ORC2: variants seen among roughly 807,000 people sequenced by gnomAD.
The protein encoded by ORC2 is origin recognition complex subunit 2.
Under a neutral mutation model 77.7 loss-of-function variants are expected in ORC2, and 37 were observed. That is an observed-to-expected ratio of 0.48 (90% confidence interval 0.37 to 0.63). The LOEUF (loss-of-function observed/expected upper bound fraction) is 0.63, where lower values mean the gene tolerates loss of function less well. Ranked by LOEUF, ORC2 falls within the 20% of genes least tolerant of loss-of-function variation. ORC2 has a pLI of 0.00. For missense variants in ORC2, 557 were observed against 661.9 expected (o/e 0.84, Z 1.74); for synonymous variants, 201 against 229.5 (o/e 0.88, Z 1.12).
chr2:200,950,675 C>A (rs2041336966), intron 4 of ORC2, among the ~76,000 whole-genome samples: 1 of 152,134 alleles, frequency 6.6e-6, no homozygotes, highest in Non-Finnish European at 1.5e-5. Flanking sequence ...AAATAGAAAA[C>A]AATGCCCTCC....
In ORC2 at chr2:200,909,066, TATAAAA is replaced by T. The variant is rs1385176905; in HGVS notation, c.*2229_*2234del. ...TTGCAAATAGTATAGACACAAAAAT[TATAAAA>T]ATAAACCAGTAGATATTTAGGGCAG... On this transcript the variant is annotated 3_prime_UTR_variant, in exon 18 of 18. Coordinates refer to ENST00000234296, the MANE Select transcript of ORC2 (RefSeq NM_006190.5). The T allele has an allele frequency of 1.3e-5, 2 of 152,052 alleles. No homozygotes were observed. Among genetic ancestry groups the T allele is most frequent in the Non-Finnish European group, 2.9e-5 (2 of 68,006 alleles). The allele number at this position is 152,052 out of a possible 1,614,324, so 9.4% of individuals were successfully genotyped here. A position where few individuals can be genotyped will look rare whatever the true frequency, so the allele number is the denominator to read the frequency against.
chr2:200,946,790 G>T (rs1320588355), intron 5 of ORC2, among the ~76,000 whole-genome samples: 1 of 151,964 alleles, frequency 6.6e-6, no homozygotes. Context: ...TTGTCCTAGG[G>T]TTTCATTTTG....
intron 15 of ORC2, among the ~76,000 whole-genome samples, chr2:200,919,453 G>C (rs181420136): frequency 6.6e-6 from 1 of 152,264 alleles, no homozygotes; most frequent in East Asian, 1.9e-4. Context: ...CTGCCTCCTG[G>C]GTTCAAGCAA....
In ORC2 at chr2:200,935,247, C is replaced by T. The variant is rs145638627; in HGVS notation, c.708+452G>A. 7.2e-3 allele frequency among the ~76,000 whole-genome samples: 1,102 copies of T among 152,270 alleles called. 16 individuals carry two copies. The highest frequency in any genetic ancestry group is 0.026 in the African/African-American group (1,061 of 41,548). On this transcript the variant is annotated intron_variant, in intron 9 of 17. Transcript: ENST00000234296. Reference sequence around the variant, plus strand: ...CAGCAATTCTCCTGCTTCAGCCTCCCGCGTAGCTGGGATTACAGGCACACA... The same window carrying T: ...CAGCAATTCTCCTGCTTCAGCCTCCTGCGTAGCTGGGATTACAGGCACACA...
chr2:200,942,792 A>G lies in ORC2; in HGVS notation c.329-15T>C, dbSNP rs1268680509. 6.5e-7 allele frequency: 1 copy of G among 1,534,874 alleles called. No individual in the cohort carries two copies. Among genetic ancestry groups the G allele is most frequent in the Non-Finnish European group, 9.0e-7 (1 of 1,116,072 alleles). On this transcript the variant is annotated splice_polypyrimidine_tract_variant and intron_variant, in intron 5 of 17. Transcript: ENST00000234296. The stretch of plus-strand genomic sequence containing the variant: ...TAGTTCTGAAGCTGTAAACAAAGAA[A>G]TATATAAAAACCTTTTAAAGGACAA...
rs922024766 is a variant in ORC2 at position 200,942,854 on chromosome 2, C to T, written c.329-77G>A. ...GAGGGAAATAACCTTATTACGCTTA[C>T]AAAAATTCTTTAAAAACCTCTGTTA... On this transcript the variant is annotated intron_variant, in intron 5 of 17. Coordinates refer to ENST00000234296, the MANE Select transcript of ORC2 (RefSeq NM_006190.5). 45 of 785,434 alleles carry T rather than the reference C, an allele frequency of 5.7e-5. No homozygotes were observed. The African/African-American group carries it at 7.7e-4, about 13-fold the overall frequency. 48.7% of individuals were successfully genotyped at this position (785,434 alleles called of 1,614,324 possible).
chr2:200,927,094 CT>C (rs879530297), intron 11 of ORC2, among the ~76,000 whole-genome samples, 194 bp from the exon 12 acceptor site: 50 of 146,982 alleles, frequency 3.4e-4, no homozygotes, highest in Admixed American at 8.1e-4. Flanking sequence ...ATATATGTAT[CT>C]TTTTTTTTTT....
chr2:200,963,403 G>T (rs2041619955), intron 1 of ORC2, 87 bp downstream of exon 1: 3 of 398,368 alleles, frequency 7.5e-6, no homozygotes, highest in Non-Finnish European at 1.3e-5. Flanking sequence ...AAGCTCCGAC[G>T]CGGGGCTGGG....
In ORC2 at chr2:200,935,144, G is replaced by C. The variant is rs557910965; in HGVS notation, c.708+555C>G. Among the ~76,000 whole-genome samples, 4 of 152,054 alleles carry C rather than the reference G, an allele frequency of 2.6e-5. No homozygotes were observed. The South Asian group carries it at 8.3e-4, about 32-fold the overall frequency. ...TAAAAATTTATTTATTTATTTTTGA[G>C]ACGGAGTTTCGTTCTTATTGCCCAG... On this transcript the variant is annotated intron_variant, in intron 9 of 17. Coordinates refer to ENST00000234296, the MANE Select transcript of ORC2 (RefSeq NM_006190.5).
intron 5 of ORC2, among the ~76,000 whole-genome samples, chr2:200,949,146 C>T (rs1305540268): frequency 2.0e-5 from 3 of 151,372 alleles, no homozygotes; most frequent in Non-Finnish European, 2.9e-5. Context: ...GAGGCTGAGG[C>T]AGGAGAATTG....
Position 200,936,162 on chromosome 2 carries a change from T to C in ORC2, c.515-270A>G, listed in dbSNP as rs576276239. 2.6e-5 allele frequency among the ~76,000 whole-genome samples: 4 copies of C among 152,366 alleles called. No homozygotes were observed. The East Asian group carries it at 5.8e-4, about 22-fold the overall frequency. On this transcript the variant is annotated intron_variant, in intron 8 of 17. Coordinates refer to ENST00000234296, the MANE Select transcript of ORC2 (RefSeq NM_006190.5). ...AATTCCTGACACACAGGAACTGTGA[T>C]AGAAATTGTTAATCATACCTAACAC...
At position 200,950,623 on chromosome 2, in the gene ORC2, G is replaced by C. The variant is rs16836168; in HGVS notation, c.239-980C>G. Among the ~76,000 whole-genome samples the C allele has an allele frequency of 2.9e-3, 439 of 152,284 alleles. 3 individuals are homozygous for C. The highest frequency in any genetic ancestry group is 0.01 in the African/African-American group (429 of 41,568). On this transcript the variant is annotated intron_variant, in intron 4 of 17. Coordinates refer to ENST00000234296, the MANE Select transcript of ORC2 (RefSeq NM_006190.5). ...TACCATATTGACTAATGGAATGCGT[G>C]AAGAAGAAAATCCAGTTGCCTTCAA...
chr2:200,937,479 T>G (rs1487362749), intron 8 of ORC2, among the ~76,000 whole-genome samples: 1 of 152,164 alleles, frequency 6.6e-6, no homozygotes, highest in Admixed American at 6.5e-5. Flanking sequence ...TTATGAAAGG[T>G]GTTGACATCT....
intron 15 of ORC2, among the ~76,000 whole-genome samples, chr2:200,915,209 C>T (rs6754564): frequency 0.22 from 32,720 of 151,470 alleles, 4,376 homozygotes; most frequent in African/African-American, 0.37. Flanking sequence ...GACGGGGTTT[C>T]GCCATGTTGG....
Position 200,935,947 on chromosome 2 carries a change from T to C in ORC2, c.515-55A>G, listed in dbSNP as rs1303732014. 8 of 1,507,452 alleles carry C rather than the reference T, an allele frequency of 5.3e-6. No homozygotes were observed. The East Asian group carries it at 6.9e-5, about 13-fold the overall frequency. The allele number at this position is 1,507,452 out of a possible 1,614,324, so 93.4% of individuals were successfully genotyped here. On this transcript the variant is annotated intron_variant, in intron 8 of 17. Coordinates refer to ENST00000234296, the MANE Select transcript of ORC2 (RefSeq NM_006190.5). Reference sequence around the variant, plus strand: ...ATTTCATGGTTTGACAAGAGAGGCATTGTGGGGTAAAGCAAAGAGTGGGGG... The same window carrying C: ...ATTTCATGGTTTGACAAGAGAGGCACTGTGGGGTAAAGCAAAGAGTGGGGG...
At chr2:200,954,904 G>GAATGAATAAATA (rs549218395) in intron 4 of ORC2, among the ~76,000 whole-genome samples, 2 of 144,628 alleles carry the variant, frequency 1.4e-5, no homozygotes, top group Non-Finnish European at 3.0e-5. Context: ...ATGAATGAAT[G>GAATGAATAAATA]AATAAATAAA....
At chr2:200,920,724 CAAGAA>C (rs2040741143) in intron 14 of ORC2, among the ~76,000 whole-genome samples, 1 of 152,130 alleles carries the variant, frequency 6.6e-6, no homozygotes, top group South Asian at 2.1e-4. Flanking sequence ...TGCGATATTA[CAAGAA>C]GAGAAAGAGA....
rs1011634115 is a variant in ORC2, at chr2:200,938,017, G to A, written c.454-51C>T. 4 of 1,299,884 alleles carry A rather than the reference G, an allele frequency of 3.1e-6. No individual in the cohort carries two copies. The East Asian group carries it at 7.0e-5, about 23-fold the overall frequency. The allele number at this position is 1,299,884 out of a possible 1,614,324, so 80.5% of individuals were successfully genotyped here. A position where few individuals can be genotyped will look rare whatever the true frequency, so the allele number is the denominator to read the frequency against. On this transcript the variant is annotated intron_variant, in intron 7 of 17. Transcript: ENST00000234296. ...AATAATAACATGGAAATTAATGACT[G>A]ATCTGAGTGAAAGAGGCTAGAAAAA...
In ORC2 at chr2:200,924,200, T is replaced by C. The variant is rs528032408; in HGVS notation, c.1147+1636A>G. 2.0e-5 allele frequency among the ~76,000 whole-genome samples: 3 copies of C among 152,064 alleles called. No homozygotes were observed. The South Asian group carries it at 6.2e-4, about 32-fold the overall frequency. ...CCATCTCTACAAAAAATTTTAACAATAGCCAGGCAGGTGATATGTGCCTGT... is the reference window on the plus strand; with the variant it reads ...CCATCTCTACAAAAAATTTTAACAACAGCCAGGCAGGTGATATGTGCCTGT... On this transcript the variant is annotated intron_variant, in intron 13 of 17. Coordinates refer to ENST00000234296, the MANE Select transcript of ORC2 (RefSeq NM_006190.5).
Sources: gnomAD v4.1 joint callset for allele counts (sites outside exome capture counted in the v4.1 genomes callset) on GRCh38, gnomAD v4.1.1 for gene constraint, MANE v1.5 for transcripts, NCBI Gene and HGNC (gene_info 2026-07-23, HGNC 2026-07-21) for gene names.